Variants in TXNDC5 observed in about 807,000 individuals in gnomAD.
TXNDC5 encodes the protein thioredoxin domain-containing protein 5.
TXNDC5 carries 44 observed loss-of-function variants against 52.6 expected under a neutral mutation model. That is an observed-to-expected ratio of 0.84 (90% CI 0.66 to 1.08). The LOEUF is 1.08. Among genes scored for constraint, TXNDC5 ranks in the 50% least tolerant of loss-of-function variants. The pLI is 0.00. For missense variants in TXNDC5, 600 were observed against 565.5 expected (o/e 1.06, Z -0.62); for synonymous variants, 241 against 234.4 (o/e 1.03, Z -0.26).
Position 7,904,698 on chromosome 6 carries a change from G to T in TXNDC5, c.289C>A (p.Pro97Thr). 6.2e-7 allele frequency: 1 copy of T among 1,614,214 alleles called. No individual in the cohort carries two copies. The highest frequency in any genetic ancestry group is 1.1e-5 in the South Asian group (1 of 91,088). Residue 97 changes from proline (P) to threonine (T), a missense_variant, in exon 2 of 10, where the codon CCG (proline) becomes ACG (threonine). Transcript: ENST00000379757. ...TTGTCTCCCAGGTCATTCCAAGTCG[G>T]CTGCAGCCGCTGGCAGTGTCCACAC... is the stretch of plus-strand genomic sequence containing the variant. The part of the protein sequence containing the change: ...PWCGHCQRLQ[P>T]TWNDLGDKYN...
chr6:7,888,949 AT>A, intron 6 of TXNDC5, 101 bp from the exon 7 acceptor site: 1 of 1,455,696 alleles, frequency 6.9e-7, no homozygotes, highest in Non-Finnish European at 9.2e-7. Flanking sequence ...GAGCTCCCAG[AT>A]GTCTTAGCGG....
At chr6:7,888,347 G>C (rs1581310406) in intron 7 of TXNDC5, among the ~76,000 whole-genome samples, 1 of 152,240 alleles carries the variant, frequency 6.6e-6, no homozygotes, top group South Asian at 2.1e-4. Flanking sequence ...CAGGGCCCCG[G>C]GGCCAGCAGT....
At chr6:7,900,931 C>T (rs1561813603) in intron 2 of TXNDC5, among the ~76,000 whole-genome samples, 3 of 150,420 alleles carry the variant, frequency 2.0e-5, no homozygotes, top group Non-Finnish European at 4.4e-5. Flanking sequence ...CCTATGAATG[C>T]TGGGGTACAC....
In TXNDC5 at chr6:7,895,202, T is replaced by G. The variant is rs764831398; in HGVS notation, c.520A>C (p.Thr174Pro). ...GGCGGTTCCACTTCCGGCTCTGGTG[T>G]CTAACAGGAGGAAATAAAACAGTCA... ...MLQTLNEEPVTPEPEVEPPSA... is the reference protein window; with the variant it reads ...MLQTLNEEPVPPEPEVEPPSA... The change falls in exon 4 of 10, where the codon ACA (threonine) becomes CCA (proline). Residue 174 changes from threonine (T) to proline (P), a missense_variant and splice_region_variant. By Grantham distance (38) the Thr-to-Pro change is conservative. Transcript: ENST00000379757. 5 of 1,611,624 alleles carry G rather than the reference T, an allele frequency of 3.1e-6. No individual in the cohort carries two copies. Among genetic ancestry groups the G allele is most frequent in the South Asian group, 1.1e-5 (1 of 90,362 alleles).
chr6:7,902,981 G>A (rs1760618004), intron 2 of TXNDC5, among the ~76,000 whole-genome samples: 1 of 152,106 alleles, frequency 6.6e-6, no homozygotes, highest in Admixed American at 6.6e-5. Flanking sequence ...TTCCTTCTCT[G>A]AAGCCCCATA....
At chr6:7,909,981 G>C (rs1158540351) in intron 1 of TXNDC5, 1 of 986,020 alleles carries the variant, frequency 1.0e-6, no homozygotes, top group Non-Finnish European at 1.2e-6. Context: ...GCGCTGGGCA[G>C]GGACCGCGGG....
intron 7 of TXNDC5, among the ~76,000 whole-genome samples, chr6:7,886,695 T>C (rs1759995337): frequency 6.6e-6 from 1 of 152,152 alleles, no homozygotes; most frequent in Non-Finnish European, 1.5e-5. Flanking sequence ...TTAAAGCCAT[T>C]CTCCCTTGAC....
intron 1 of TXNDC5, among the ~76,000 whole-genome samples, chr6:7,906,552 A>AG (rs1760740256): frequency 1.3e-5 from 2 of 150,342 alleles, no homozygotes; most frequent in Admixed American, 1.3e-4. Context: ...AAAAAAAAAA[A>AG]AAAAAGAAAA....
rs1239228753 is a variant in TXNDC5 at position 7,904,413 on chromosome 6, G to A, written c.413+161C>T. Among the ~76,000 whole-genome samples, 3 of 152,278 alleles carry A rather than the reference G, an allele frequency of 2.0e-5. No homozygotes were observed. The East Asian group carries it at 5.8e-4, about 29-fold the overall frequency. On this transcript the variant is annotated intron_variant, in intron 2 of 9. Transcript: ENST00000379757. ...AATTAAAGGTTATCCAAGTATAAAA[G>A]CCATCTAAAACAGACACAGCATTAA...
At position 7,883,405 on chromosome 6, in the gene TXNDC5, T is replaced by C. The variant is rs1581303400; in HGVS notation, c.1177-139A>G. ...TAATTTTTAAAGGTGTATATTCCAT[T>C]AAAACAGGAGCAGACTACTGTTTAG... is the stretch of plus-strand genomic sequence containing the variant. On this transcript the variant is annotated intron_variant, in intron 9 of 9. Coordinates refer to ENST00000379757, the MANE Select transcript of TXNDC5 (RefSeq NM_030810.5). 5.6e-6 allele frequency: 7 copies of C among 1,244,632 alleles called. No homozygotes were observed. In the East Asian group the frequency reaches 1.5e-4, roughly 27 times the overall value. The allele number at this position is 1,244,632 out of a possible 1,614,324, so 77.1% of individuals were successfully genotyped here.
chr6:7,889,508 C>T lies in TXNDC5; in HGVS notation c.806G>A (p.Arg269Gln), dbSNP rs539807935. The T allele has an allele frequency of 3.8e-5, 62 of 1,613,490 alleles. No homozygotes were observed. Among genetic ancestry groups the T allele is most frequent in the South Asian group, 3.4e-4 (31 of 91,062 alleles). The change falls in exon 6 of 10, where the codon CGA (arginine) becomes CAA (glutamine). Residue 269 changes from arginine (R) to glutamine (Q), a missense_variant. Arg to Gln is a conservative substitution (Grantham distance 43). Coordinates refer to ENST00000379757, the MANE Select transcript of TXNDC5 (RefSeq NM_030810.5). ...GTGCAGACGTACCTTTTTCCCATCT[C>T]GGAACCAGAGAAGAGTGGGATAGCC... The part of the protein sequence containing the change: ...VRGYPTLLWF[R>Q]DGKKVDQYKG...
At chr6:7,884,609 T>G in intron 8 of TXNDC5, 121 bp from the exon 9 acceptor site, 1 of 1,383,570 alleles carries the variant, frequency 7.2e-7, no homozygotes, top group Non-Finnish European at 9.8e-7. Context: ...CCTAGAAATT[T>G]GTAAAATACC....
At chr6:7,896,825 C>T (rs560989828) in intron 3 of TXNDC5, among the ~76,000 whole-genome samples, 1 of 152,316 alleles carries the variant, frequency 6.6e-6, no homozygotes, top group East Asian at 1.9e-4. Flanking sequence ...AGCAGTCCCC[C>T]GGCATGGGAA....
intron 9 of TXNDC5, among the ~76,000 whole-genome samples, chr6:7,883,585 T>C (rs753725478): frequency 1.2e-4 from 19 of 152,194 alleles, no homozygotes; most frequent in East Asian, 1.9e-4. Flanking sequence ...CAGATTTGGA[T>C]TGAGCAGGCC....
In TXNDC5 at chr6:7,910,661, TGGG is replaced by T; in HGVS notation, c.113_115del (p.Ala38_Gln39delinsGlu). The stretch of plus-strand genomic sequence containing the variant: ...GTCCGCCGCCGCCGCCGCCGCCTCC[TGGG>T]CCCGGGCGCCCCAGCGCCCGCCGCC... On this transcript the variant is annotated inframe_deletion, in exon 1 of 10. Coordinates refer to ENST00000379757, the MANE Select transcript of TXNDC5 (RefSeq NM_030810.5). 8.7e-7 allele frequency: 1 copy of T among 1,146,160 alleles called. No homozygotes were observed. The highest frequency in any genetic ancestry group is 1.1e-6 in the Non-Finnish European group (1 of 921,292). 71.0% of individuals were successfully genotyped at this position (1,146,160 alleles called of 1,614,324 possible).
intron 2 of TXNDC5, among the ~76,000 whole-genome samples, chr6:7,902,652 CG>C (rs558970543): frequency 1.3e-5 from 2 of 151,984 alleles, no homozygotes; most frequent in Non-Finnish European, 2.9e-5. Context: ...CCTGCATTCT[CG>C]GGGGGAAAAT....
chr6:7,893,304 T>A (rs937036222), intron 4 of TXNDC5, among the ~76,000 whole-genome samples: 19 of 152,334 alleles, frequency 1.2e-4, no homozygotes, highest in African/African-American at 4.6e-4. Context: ...AACAATGCAC[T>A]TGAAGAAAAT....
intron 4 of TXNDC5, among the ~76,000 whole-genome samples, chr6:7,894,015 T>C (rs998588247): frequency 6.6e-6 from 1 of 152,220 alleles, no homozygotes; most frequent in Non-Finnish European, 1.5e-5. Context: ...ATTCTGATAT[T>C]AGGAGACCAT....
Position 7,889,498 on chromosome 6 carries a change from T to C in TXNDC5, c.816A>G (p.Lys272=), listed in dbSNP as rs752859995. The C allele has an allele frequency of 1.9e-6, 3 of 1,613,390 alleles. No individual in the cohort carries two copies. The highest frequency in any genetic ancestry group is 1.1e-5 in the South Asian group (1 of 91,050). Residue 272 remains lysine, a synonymous_variant, in exon 6 of 10, where the codon AAA becomes AAG. Transcript: ENST00000379757. ...GTACTAAGAAGTGCAGACGTACCTT[T>C]TTCCCATCTCGGAACCAGAGAAGAG... ...YPTLLWFRDG[K]KVDQYKGKRD...
Sources: allele counts gnomAD v4.1 joint callset (sites outside exome capture counted in the v4.1 genomes callset), GRCh38; gene constraint gnomAD v4.1.1; transcripts MANE v1.5; gene names NCBI Gene and HGNC (gene_info 2026-07-23, HGNC 2026-07-21).